The following NAA11 variants were observed in gnomAD, a reference collection of about 807,000 sequenced individuals.
NAA11 encodes the protein N-alpha-acetyltransferase 11.
NAA11 carries 15 observed loss-of-function variants against 16.1 expected under a neutral mutation model. The observed-to-expected ratio is 0.93, with a 90% confidence interval of 0.62 to 1.44. The LOEUF is 1.44. Among genes scored for constraint, NAA11 ranks in the 40% most tolerant of loss-of-function variants. The pLI, the probability that NAA11 is intolerant of heterozygous loss-of-function variation, is 0.00. For synonymous variants in NAA11, 122 were observed against 112.4 expected (o/e 1.09, Z -0.54); for missense variants, 298 against 291.3 (o/e 1.02, Z -0.17).
the NAA11 span, among the ~76,000 whole-genome samples, chr4:79,208,103 AAAATTTGACTTTC>A: frequency 1.3e-5 from 2 of 152,144 alleles, no homozygotes; most frequent in East Asian, 3.9e-4. Flanking sequence ...ACATTTTCGC[AAAATTTGACTTTC>A]AATAGGAATT....
chr4:79,315,256 A>G (rs1220371152), downstream of NAA11, among the ~76,000 whole-genome samples: 1 of 152,202 alleles, frequency 6.6e-6, no homozygotes, highest in Non-Finnish European at 1.5e-5. Flanking sequence ...CACATAAAAA[A>G]TAAAGAAAAC....
At chr4:79,318,617 C>G (rs961690415) in intron 1 of NAA11, among the ~76,000 whole-genome samples, 3 of 152,022 alleles carry the variant, frequency 2.0e-5, no homozygotes, top group African/African-American at 4.8e-5. Context: ...ACAAGTGAAG[C>G]CAGTTGTAAG....
intron 1 of NAA11, among the ~76,000 whole-genome samples, chr4:79,322,794 A>C (rs1332824369): frequency 6.6e-6 from 1 of 152,138 alleles, no homozygotes; most frequent in East Asian, 1.9e-4. Flanking sequence ...TTTATTTTTT[A>C]GAAAAAATGA....
At chr4:79,156,824 T>G in the NAA11 span, among the ~76,000 whole-genome samples, 2 of 152,226 alleles carry the variant, frequency 1.3e-5, no homozygotes, top group African/African-American at 4.8e-5. Context: ...CCAAATCTTC[T>G]TATTTCTTAA....
At chr4:79,192,650 C>G in the NAA11 span, among the ~76,000 whole-genome samples, 1 of 151,972 alleles carries the variant, frequency 6.6e-6, no homozygotes, top group East Asian at 1.9e-4. Flanking sequence ...AGGTTGGTTC[C>G]AAGTCTTTGC....
the NAA11 span, among the ~76,000 whole-genome samples, chr4:79,181,746 C>A: frequency 6.6e-6 from 1 of 152,196 alleles, no homozygotes; most frequent in Admixed American, 6.5e-5. Context: ...GAATAAAACA[C>A]CGAACTTATG....
the NAA11 span, among the ~76,000 whole-genome samples, chr4:79,176,521 A>G: frequency 2.0e-5 from 3 of 152,080 alleles, no homozygotes; most frequent in Admixed American, 2.0e-4. Context: ...TCTAGGGGGA[A>G]ATCGTCTTTG....
intron 1 of NAA11, among the ~76,000 whole-genome samples, chr4:79,322,162 A>G (rs768324284): frequency 6.6e-6 from 1 of 152,234 alleles, no homozygotes; most frequent in Non-Finnish European, 1.5e-5. Context: ...CAAAATGGTA[A>G]GAGACCTCCG....
chr4:79,308,547 T>G (rs899101899), intron 1 of NAA11: 3 of 152,228 alleles, frequency 2.0e-5, no homozygotes, highest in East Asian at 1.9e-4. Flanking sequence ...CAAGCCTGTA[T>G]GCATAATTCC....
intron 1 of NAA11, among the ~76,000 whole-genome samples, chr4:79,320,326 G>A (rs773304300): frequency 2.6e-5 from 4 of 152,142 alleles, no homozygotes; most frequent in East Asian, 1.9e-4. Flanking sequence ...TTTGATTACC[G>A]TGGAGAAGAA....
chr4:79,312,366 CT>C (rs1723796912), downstream of NAA11, among the ~76,000 whole-genome samples: 1 of 151,962 alleles, frequency 6.6e-6, no homozygotes, highest in Non-Finnish European at 1.5e-5. Context: ...AGTTGGGGAT[CT>C]TGGCCGGGCG....
the NAA11 span, among the ~76,000 whole-genome samples, chr4:79,214,197 A>G: frequency 2.0e-5 from 3 of 152,358 alleles, no homozygotes; most frequent in East Asian, 3.9e-4. Context: ...ACAAGAACAT[A>G]TAAAATAGAA....
chr4:79,208,659 T>C, the NAA11 span, among the ~76,000 whole-genome samples: 1 of 151,958 alleles, frequency 6.6e-6, no homozygotes, highest in South Asian at 2.1e-4. Flanking sequence ...CTAATATTTA[T>C]TGCTTACAAT....
At chr4:79,205,558 A>C in the NAA11 span, among the ~76,000 whole-genome samples, 1 of 151,798 alleles carries the variant, frequency 6.6e-6, no homozygotes, top group Non-Finnish European at 1.5e-5. Flanking sequence ...CCAGTCTGTA[A>C]GTTGTATATT....
chr4:79,302,285 T>C (rs570370388), intron 1 of NAA11, among the ~76,000 whole-genome samples: 1 of 152,308 alleles, frequency 6.6e-6, no homozygotes, highest in South Asian at 2.1e-4. Context: ...ATGTCAGTCT[T>C]CCCAAATGTA....
chr4:79,312,230 G>A (rs1723791467), downstream of NAA11, among the ~76,000 whole-genome samples: 2 of 152,152 alleles, frequency 1.3e-5, no homozygotes, highest in Admixed American at 1.3e-4. Flanking sequence ...TTTAATTTGT[G>A]TACCAGCTTT....
chr4:79,248,149 C>T (rs1721886700), intron 2 of NAA11, among the ~76,000 whole-genome samples: 1 of 152,166 alleles, frequency 6.6e-6, no homozygotes, highest in Non-Finnish European at 1.5e-5. Context: ...TGCAGTGCAG[C>T]CTCAGATGCC....
chr4:79,174,798 G>A, the NAA11 span, among the ~76,000 whole-genome samples: 1 of 152,088 alleles, frequency 6.6e-6, no homozygotes, highest in Non-Finnish European at 1.5e-5. Context: ...AAAGGCAGGA[G>A]GTAGCCAGGA....
intron 2 of NAA11, among the ~76,000 whole-genome samples, chr4:79,263,520 G>T (rs945752014): frequency 1.3e-5 from 2 of 152,200 alleles, no homozygotes; most frequent in Non-Finnish European, 2.9e-5. Flanking sequence ...TAATGTGGTT[G>T]TAACATGCAG....
Sources: gnomAD v4.1 joint callset for allele counts (sites outside exome capture counted in the v4.1 genomes callset) on GRCh38, gnomAD v4.1.1 for gene constraint, MANE v1.5 for transcripts, NCBI Gene and HGNC (gene_info 2026-07-23, HGNC 2026-07-21) for gene names.